The following BTG4 variants were observed in gnomAD, a reference collection of about 807,000 sequenced individuals.
The protein encoded by BTG4 is protein BTG4.
BTG4 carries 10 observed loss-of-function variants against 19.3 expected under a neutral mutation model. The ratio of observed to expected loss-of-function variants is 0.52; its 90% CI spans 0.32 to 0.88. BTG4 has a LOEUF of 0.88. Among genes scored for constraint, BTG4 ranks in the 40% least tolerant of loss-of-function variants. The pLI is 0.04. For missense variants in BTG4, 238 were observed against 281.9 expected, an observed-to-expected ratio of 0.84 and a Z score of 1.11; for synonymous variants, 91 against 95.7, an observed-to-expected ratio of 0.95 and a Z score of 0.29.
intron 5 of BTG4, among the ~76,000 whole-genome samples, chr11:111,479,508 G>A (rs966517817): frequency 6.6e-5 from 10 of 152,124 alleles, no homozygotes; most frequent in African/African-American, 2.4e-4. Flanking sequence ...GCTAAATGAA[G>A]TTCTCTAAAT....
the BTG4 span, among the ~76,000 whole-genome samples, chr11:111,420,875 C>T: frequency 6.6e-6 from 1 of 152,160 alleles, no homozygotes; most frequent in Non-Finnish European, 1.5e-5. Flanking sequence ...ATTCAAAACA[C>T]TAATAATTGT....
upstream of BTG4, chr11:111,514,337 T>C (rs1367165155): frequency 4.7e-6 from 1 of 212,200 alleles, no homozygotes; most frequent in Non-Finnish European, 9.6e-6. Flanking sequence ...GGCTAGGCTT[T>C]CAGGCGTGAA....
the BTG4 span, chr11:111,417,970 G>A: frequency 6.6e-6 from 1 of 152,208 alleles, no homozygotes; most frequent in Non-Finnish European, 1.5e-5. Context: ...ACCAAACTTG[G>A]CTTTGTGGAG....
the BTG4 span, among the ~76,000 whole-genome samples, chr11:111,440,267 T>A: frequency 6.6e-6 from 1 of 152,190 alleles, no homozygotes; most frequent in Non-Finnish European, 1.5e-5. Flanking sequence ...AGCCTTCACA[T>A]GACCTAGGCT....
intron 5 of BTG4, among the ~76,000 whole-genome samples, chr11:111,479,170 T>G (rs1244484850): frequency 2.0e-5 from 3 of 152,098 alleles, no homozygotes; most frequent in Non-Finnish European, 4.4e-5. Context: ...GACAGCAACC[T>G]TCTCATCAGA....
At chr11:111,396,135 T>C in the BTG4 span, among the ~76,000 whole-genome samples, 1 of 152,168 alleles carries the variant, frequency 6.6e-6, no homozygotes, top group Non-Finnish European at 1.5e-5. Context: ...AGAGCCAATG[T>C]CCCCTTCAGA....
At chr11:111,446,624 A>AACACACACACAC in the BTG4 span, among the ~76,000 whole-genome samples, 809 of 146,938 alleles carry the variant, frequency 5.5e-3, 5 homozygotes, top group African/African-American at 0.019. Flanking sequence ...GACACCAATA[A>AACACACACACAC]ACACACACAC....
chr11:111,422,711 G>A, the BTG4 span, among the ~76,000 whole-genome samples: 25 of 152,204 alleles, frequency 1.6e-4, no homozygotes, highest in East Asian at 3.7e-3. Flanking sequence ...GGTGACTCCC[G>A]AGGCCAGAAA....
At chr11:111,441,389 G>T in the BTG4 span, among the ~76,000 whole-genome samples, 19 of 152,184 alleles carry the variant, frequency 1.2e-4, no homozygotes, top group Non-Finnish European at 2.5e-4. Context: ...CTCCGAGAGA[G>T]AGATGGCTCC....
chr11:111,477,391 A>G (rs985680046), intron 5 of BTG4, among the ~76,000 whole-genome samples: 3 of 152,314 alleles, frequency 2.0e-5, no homozygotes, highest in Non-Finnish European at 1.5e-5. Context: ...GAAAACCTCA[A>G]TAAATGTAGA....
chr11:111,498,888 A>T (rs1210248819), intron 1 of BTG4, 86 bp from the exon 2 acceptor site: 3 of 941,026 alleles, frequency 3.2e-6, no homozygotes, highest in Non-Finnish European at 4.6e-6. Context: ...GAAATTTTAC[A>T]TACCTTAAAG....
the BTG4 span, among the ~76,000 whole-genome samples, chr11:111,411,937 G>T: frequency 0.21 from 31,650 of 152,188 alleles, 4,307 homozygotes; most frequent in South Asian, 0.46. Flanking sequence ...GAGAACCCCA[G>T]AAGGTCATCC....
chr11:111,408,857 T>G, the BTG4 span, among the ~76,000 whole-genome samples: 2 of 152,208 alleles, frequency 1.3e-5, no homozygotes, highest in Non-Finnish European at 2.9e-5. Context: ...GAGGGAGGCT[T>G]TTGAGTAAGC....
chr11:111,442,985 A>G, the BTG4 span, among the ~76,000 whole-genome samples: 1 of 152,216 alleles, frequency 6.6e-6, no homozygotes, highest in Non-Finnish European at 1.5e-5. Context: ...AGGGAAAAAG[A>G]GTAACCTCTA....
chr11:111,470,912 G>C (rs905705948), intron 5 of BTG4, among the ~76,000 whole-genome samples: 1 of 152,160 alleles, frequency 6.6e-6, no homozygotes, highest in African/African-American at 2.4e-5. Context: ...CTGGGCAACA[G>C]AGTGAGATCC....
chr11:111,404,870 T>C, the BTG4 span: 3 of 347,718 alleles, frequency 8.6e-6, no homozygotes, highest in Admixed American at 7.6e-5. Flanking sequence ...ATTTCAAGCA[T>C]CACATTTTCA....
the BTG4 span, among the ~76,000 whole-genome samples, chr11:111,441,876 T>G: frequency 4.3e-4 from 66 of 152,016 alleles, no homozygotes; most frequent in Non-Finnish European, 7.9e-4. Flanking sequence ...CTGGCCAACA[T>G]GGTGAAACCC....
In BTG4 at chr11:111,494,903, T is replaced by C; in HGVS notation, c.*232A>G. The C allele has an allele frequency of 1.0e-6, 1 of 984,976 alleles. No individual in the cohort carries two copies. Among genetic ancestry groups the C allele is most frequent in the Non-Finnish European group, 1.2e-6 (1 of 829,524 alleles). The allele number at this position is 984,976 out of a possible 1,614,324, so 61.0% of individuals were successfully genotyped here. On this transcript the variant is annotated 3_prime_UTR_variant, in exon 5 of 5. Coordinates refer to ENST00000692032, the MANE Select transcript of BTG4 (RefSeq NM_001367975.1). ...GGTCAACATCTTCATTCTGTTACCTTACTGGGTACATTCACTGATGTTACA... is the reference window on the plus strand; with the variant it reads ...GGTCAACATCTTCATTCTGTTACCTCACTGGGTACATTCACTGATGTTACA...
chr11:111,410,674 A>G, the BTG4 span, among the ~76,000 whole-genome samples: 1 of 152,210 alleles, frequency 6.6e-6, no homozygotes, highest in Non-Finnish European at 1.5e-5. Flanking sequence ...ATGAAGTAGA[A>G]GATCCTTAAA....
Sources: allele counts gnomAD v4.1 joint callset (sites outside exome capture counted in the v4.1 genomes callset), GRCh38; gene constraint gnomAD v4.1.1; transcripts MANE v1.5; gene names NCBI Gene and HGNC (gene_info 2026-07-23, HGNC 2026-07-21).